SLC1A1: variants seen among roughly 807,000 people sequenced by gnomAD.
SLC1A1 encodes the protein excitatory amino acid transporter 3.
A neutral mutation model predicts 53.3 loss-of-function variants in SLC1A1; 43 were observed. That is an observed-to-expected ratio of 0.81 (90% CI 0.63 to 1.04). The LOEUF (loss-of-function observed/expected upper bound fraction) is 1.04. Among genes scored for constraint, SLC1A1 ranks in the 50% least tolerant of loss-of-function variants. The pLI is 0.00. For synonymous variants in SLC1A1, 307 were observed against 243.2 expected, an observed-to-expected ratio of 1.26 and a Z score of -2.44; for missense variants, 748 against 664.9, an observed-to-expected ratio of 1.12 and a Z score of -1.37.
rs1027380805 is a variant in SLC1A1, at chr9:4,549,101, T to C, written c.232+4394T>C. On this transcript the variant is annotated intron_variant, in intron 2 of 11. Transcript: ENST00000262352. The surrounding 1 kb of genome is among the most constrained non-coding windows in gnomAD (Gnocchi z 4.1). ...ACTACTTCCCAAAATTAAACTATGA[T>C]GATTGGAGCCTCCTATGACCAACAC... 2.0e-5 allele frequency among the ~76,000 whole-genome samples: 3 copies of C among 152,186 alleles called. No homozygotes were observed. The highest frequency in any genetic ancestry group is 7.2e-5 in the African/African-American group (3 of 41,432).
At chr9:4,561,774 C>T (rs1818969157) in intron 3 of SLC1A1, among the ~76,000 whole-genome samples, 1 of 152,078 alleles carries the variant, frequency 6.6e-6, no homozygotes, top group Non-Finnish European at 1.5e-5. Flanking sequence ...GCCTGTAGTC[C>T]CAGCTACTTG....
At chr9:4,501,459 G>C (rs1820628758) in intron 1 of SLC1A1, among the ~76,000 whole-genome samples, 1 of 151,630 alleles carries the variant, frequency 6.6e-6, no homozygotes, top group South Asian at 2.1e-4. Flanking sequence ...AACACTTCCA[G>C]ATGTAGTTAA....
intron 1 of SLC1A1, among the ~76,000 whole-genome samples, chr9:4,506,276 T>C (rs568825129): frequency 6.6e-6 from 1 of 152,340 alleles, no homozygotes; most frequent in Admixed American, 6.5e-5. Flanking sequence ...TGAAATTCTA[T>C]CCTGCCAGTG....
At chr9:4,512,933 C>A (rs1236865608) in intron 1 of SLC1A1, among the ~76,000 whole-genome samples, 1 of 151,944 alleles carries the variant, frequency 6.6e-6, no homozygotes, top group Non-Finnish European at 1.5e-5. Flanking sequence ...CCTGGCCCTC[C>A]AATTGATTTT....
chr9:4,518,769 C>A (rs1815955755), intron 1 of SLC1A1, among the ~76,000 whole-genome samples: 1 of 152,178 alleles, frequency 6.6e-6, no homozygotes, highest in South Asian at 2.1e-4. Flanking sequence ...TGGCTCCACT[C>A]CCTGAGGGGA....
chr9:4,546,586 C>T (rs910730448), intron 2 of SLC1A1, among the ~76,000 whole-genome samples: 2 of 152,208 alleles, frequency 1.3e-5, no homozygotes, highest in African/African-American at 4.8e-5. Context: ...TTGTCCACTT[C>T]ACTCTTACGT....
At chr9:4,534,073 A>T (rs1180727867) in intron 1 of SLC1A1, among the ~76,000 whole-genome samples, 7 of 152,174 alleles carry the variant, frequency 4.6e-5, no homozygotes, top group Non-Finnish European at 1.0e-4. Flanking sequence ...TGTAGAGGGA[A>T]ATTTATACCA....
intron 1 of SLC1A1, among the ~76,000 whole-genome samples, chr9:4,499,391 T>G (rs186509765): frequency 1.9e-4 from 29 of 152,278 alleles, no homozygotes; most frequent in African/African-American, 6.7e-4. Flanking sequence ...TTAAGTACCT[T>G]AGAGAAGAGA....
intron 10 of SLC1A1, among the ~76,000 whole-genome samples, chr9:4,580,140 C>G (rs1820918216): frequency 1.3e-5 from 2 of 151,322 alleles, no homozygotes; most frequent in African/African-American, 4.9e-5. Flanking sequence ...CTGAAGTGGG[C>G]AGACTGCTTG....
intron 7 of SLC1A1, 108 bp downstream of exon 7, chr9:4,572,496 G>T: frequency 4.0e-6 from 4 of 1,009,792 alleles, no homozygotes; most frequent in Non-Finnish European, 6.3e-6. Flanking sequence ...TAGAGAAGTT[G>T]GACATTTAAT....
chr9:4,549,167 C>T lies in SLC1A1; in HGVS notation c.232+4460C>T, dbSNP rs750484312. 1.3e-5 allele frequency among the ~76,000 whole-genome samples: 2 copies of T among 152,146 alleles called. No homozygotes were observed. The highest frequency in any genetic ancestry group is 2.4e-5 in the African/African-American group (1 of 41,418). On this transcript the variant is annotated intron_variant, in intron 2 of 11. Transcript: ENST00000262352. The surrounding 1 kb of genome is among the most constrained non-coding windows in gnomAD (Gnocchi z 4.1). ...CCTCCAGTCCCGCTCCCAGAGGTCC[C>T]CTGAGCATCCTTCCCGGATGCTCAT... is the stretch of plus-strand genomic sequence containing the variant.
chr9:4,551,797 T>C (rs1273113453), intron 2 of SLC1A1, among the ~76,000 whole-genome samples: 2 of 152,200 alleles, frequency 1.3e-5, no homozygotes, highest in African/African-American at 4.8e-5. Flanking sequence ...CTTTAAGTGC[T>C]CCTTTCCCTA....
chr9:4,582,669 A>G (rs2129870812), intron 10 of SLC1A1, among the ~76,000 whole-genome samples: 1 of 152,356 alleles, frequency 6.6e-6, no homozygotes, highest in East Asian at 1.9e-4. Context: ...GGATGAGTGT[A>G]TGTATACATA....
intron 5 of SLC1A1, among the ~76,000 whole-genome samples, 171 bp from the exon 6 acceptor site, chr9:4,567,498 C>T (rs1212709824): frequency 6.6e-6 from 1 of 152,048 alleles, no homozygotes; most frequent in Non-Finnish European, 1.5e-5. Flanking sequence ...GCTTTTAGTT[C>T]CAAAACCTGA....
chr9:4,539,322 T>C (rs1414870521), intron 1 of SLC1A1, among the ~76,000 whole-genome samples: 1 of 152,220 alleles, frequency 6.6e-6, no homozygotes, highest in Non-Finnish European at 1.5e-5. Context: ...GACTTTTTTG[T>C]TCTTTTCTGA....
intron 1 of SLC1A1, among the ~76,000 whole-genome samples, chr9:4,527,463 A>G (rs1326903600): frequency 6.6e-6 from 1 of 152,178 alleles, no homozygotes; most frequent in African/African-American, 2.4e-5. Context: ...CATGCTATAT[A>G]AACAGTGCTG....
chr9:4,572,977 TAAG>T (rs977596464), intron 7 of SLC1A1, among the ~76,000 whole-genome samples: 12 of 152,378 alleles, frequency 7.9e-5, no homozygotes, highest in African/African-American at 2.9e-4. Context: ...AGCCTTCGTG[TAAG>T]AAGTAATTCT....
intron 1 of SLC1A1, among the ~76,000 whole-genome samples, chr9:4,539,496 G>A (rs148953268): frequency 1.3e-5 from 2 of 151,612 alleles, no homozygotes; most frequent in East Asian, 3.9e-4. Context: ...TTTCATCTTT[G>A]AACTTAAAGA....
intron 1 of SLC1A1, among the ~76,000 whole-genome samples, chr9:4,517,766 C>T (rs77373068): frequency 0.018 from 2,702 of 152,236 alleles, 29 homozygotes; most frequent in Non-Finnish European, 0.026. Context: ...GAAAAGGCCA[C>T]CATGGACCCT....
Sources: gnomAD v4.1 joint callset for allele counts (sites outside exome capture counted in the v4.1 genomes callset) on GRCh38, gnomAD v4.1.1 for gene constraint, Gnocchi (gnomAD v3.1) non-coding constraint, MANE v1.5 for transcripts, NCBI Gene and HGNC (gene_info 2026-07-23, HGNC 2026-07-21) for gene names.